MRPL3: variants seen among roughly 807,000 people sequenced by gnomAD.
MRPL3 encodes the protein large ribosomal subunit protein uL3m.
MRPL3 carries 43 observed loss-of-function variants against 44.3 expected under a neutral mutation model. The ratio of observed to expected loss-of-function variants is 0.97; its 90% confidence interval spans 0.76 to 1.25. The LOEUF is 1.25. Ranked by LOEUF, MRPL3 falls within the 50% of genes most tolerant of loss-of-function variation. The pLI, the probability that MRPL3 is intolerant of heterozygous loss-of-function variation, is 0.00. For synonymous variants in MRPL3, 171 were observed against 152.3 expected (o/e 1.12, Z -0.91); for missense variants, 406 against 427.6 (o/e 0.95, Z 0.45).
At chr3:131,483,725 A>G (rs1274489391) in intron 6 of MRPL3, among the ~76,000 whole-genome samples, 1 of 152,186 alleles carries the variant, frequency 6.6e-6, no homozygotes, top group Non-Finnish European at 1.5e-5. Flanking sequence ...CCACTTTTTA[A>G]AAAACTGTCT....
At chr3:131,471,447 TTATCTC>T (rs1933741331) in intron 6 of MRPL3, 168 bp from the exon 7 acceptor site, 2 of 582,664 alleles carry the variant, frequency 3.4e-6, no homozygotes, top group Non-Finnish European at 6.1e-6. Flanking sequence ...AAATATTCCT[TTATCTC>T]TGTCTTGGTC....
intron 6 of MRPL3, among the ~76,000 whole-genome samples, chr3:131,482,181 A>T (rs1322408356): frequency 6.6e-6 from 1 of 152,170 alleles, no homozygotes; most frequent in African/African-American, 2.4e-5. Context: ...TAAATGTGCC[A>T]AGGTGCTCCA....
In MRPL3 at chr3:131,490,392, AGACTGTCT is replaced by A. The variant is rs567838095; in HGVS notation, c.469-320_469-313del. Among the ~76,000 whole-genome samples the A allele has an allele frequency of 5.7e-3, 874 of 152,280 alleles. 8 individuals are homozygous for A. Among genetic ancestry groups the A allele is most frequent in the African/African-American group, 0.019 (798 of 41,558 alleles). ...GTGCTCATATTTAAATTCTGACTGGAGACTGTCTGAATTAAGAACCCAAACCCCGAAAA... is the reference window on the plus strand; with the variant it reads ...GTGCTCATATTTAAATTCTGACTGGAGAATTAAGAACCCAAACCCCGAAAA... On this transcript the variant is annotated intron_variant, in intron 4 of 9. Coordinates refer to ENST00000264995, the MANE Select transcript of MRPL3 (RefSeq NM_007208.4).
intron 6 of MRPL3, 145 bp downstream of exon 6, chr3:131,487,535 A>C: frequency 3.0e-6 from 2 of 671,830 alleles, no homozygotes; most frequent in South Asian, 1.8e-5. Context: ...AAACCAGTGT[A>C]GGTAACATGA....
At chr3:131,481,266 T>C (rs959403092) in intron 6 of MRPL3, among the ~76,000 whole-genome samples, 1 of 152,224 alleles carries the variant, frequency 6.6e-6, no homozygotes, top group Non-Finnish European at 1.5e-5. Flanking sequence ...TTCCTAATAA[T>C]GTCATGTTTT....
rs149305040 is a variant in MRPL3, at chr3:131,468,099, A to G, written c.886T>C (p.Leu296=). ...AAGACACTTATACTTACCTTTACTA[A>G]GCAATTTTTATGTCCAGGTACAGAG... is the stretch of plus-strand genomic sequence containing the variant. ...NGSVPGHKNC[L]VKVKDSKLPA... Residue 296 remains leucine, a synonymous_variant, in exon 9 of 10, where the codon TTA becomes CTA. Coordinates refer to ENST00000264995, the MANE Select transcript of MRPL3 (RefSeq NM_007208.4). 2.0e-3 allele frequency: 3,164 copies of G among 1,561,654 alleles called. 39 individuals carry two copies. The African/African-American group carries it at 0.035, about 17-fold the overall frequency.
chr3:131,478,680 T>A (rs1369839300), intron 6 of MRPL3, among the ~76,000 whole-genome samples: 4 of 151,114 alleles, frequency 2.6e-5, no homozygotes, highest in Admixed American at 1.3e-4. Flanking sequence ...GTATTCAATA[T>A]CAAGTTGCAT....
chr3:131,472,037 G>A (rs1371582163), intron 6 of MRPL3, among the ~76,000 whole-genome samples: 1 of 152,208 alleles, frequency 6.6e-6, no homozygotes, highest in African/African-American at 2.4e-5. Context: ...AGCTTTGGGA[G>A]AGACCCCAAG....
intron 6 of MRPL3, among the ~76,000 whole-genome samples, chr3:131,484,427 C>A (rs1224736314): frequency 6.6e-6 from 1 of 152,128 alleles, no homozygotes; most frequent in Non-Finnish European, 1.5e-5. Flanking sequence ...ACTGCTCCAG[C>A]CTATAAATCC....
chr3:131,465,891 C>CTTTTTTTTTTTTTT (rs55635822), intron 9 of MRPL3, among the ~76,000 whole-genome samples: 1 of 133,348 alleles, frequency 7.5e-6, no homozygotes, highest in Non-Finnish European at 1.5e-5. Flanking sequence ...CTTTTTCTCT[C>CTTTTTTTTTTTTTT]TTTTTTTTTT....
intron 4 of MRPL3, among the ~76,000 whole-genome samples, chr3:131,490,765 G>A (rs186151509): frequency 4.6e-5 from 7 of 152,312 alleles, no homozygotes; most frequent in Admixed American, 4.6e-4. Context: ...AGATGCACAT[G>A]GAGAGCTTCT....
In MRPL3 at chr3:131,464,640, G is replaced by A. The variant is rs16836752; in HGVS notation, c.895-1765C>T. Among the ~76,000 whole-genome samples the A allele has an allele frequency of 9.2e-3, 1,402 of 152,148 alleles. 33 individuals carry two copies. Among genetic ancestry groups the A allele is most frequent in the East Asian group, 0.074 (381 of 5,172 alleles). On this transcript the variant is annotated intron_variant, in intron 9 of 9. Transcript: ENST00000264995. Reference sequence around the variant, plus strand: ...ACACAGGAATGAACACGAATGAACCGTACTTTAGAACATACATTTATACTT... The same window carrying A: ...ACACAGGAATGAACACGAATGAACCATACTTTAGAACATACATTTATACTT...
At chr3:131,482,431 C>T (rs1468396033) in intron 6 of MRPL3, among the ~76,000 whole-genome samples, 3 of 151,382 alleles carry the variant, frequency 2.0e-5, no homozygotes, top group African/African-American at 4.9e-5. Context: ...AGGAGAATGG[C>T]GTGAACCTGG....
chr3:131,484,821 T>A (rs1385258510), intron 6 of MRPL3, among the ~76,000 whole-genome samples: 1 of 152,216 alleles, frequency 6.6e-6, no homozygotes, highest in Non-Finnish European at 1.5e-5. Context: ...AGAGCTATAG[T>A]TATTGGTAAC....
At chr3:131,472,572 G>A (rs1933763897) in intron 6 of MRPL3, among the ~76,000 whole-genome samples, 1 of 152,082 alleles carries the variant, frequency 6.6e-6, no homozygotes, top group Non-Finnish European at 1.5e-5. Flanking sequence ...ATTCAACACA[G>A]TGCTAGAAGT....
At chr3:131,481,159 T>C (rs1181348304) in intron 6 of MRPL3, among the ~76,000 whole-genome samples, 4 of 152,252 alleles carry the variant, frequency 2.6e-5, no homozygotes, top group Admixed American at 6.5e-5. Context: ...AGATAGTATG[T>C]GATCTTAAAA....
intron 6 of MRPL3, among the ~76,000 whole-genome samples, chr3:131,476,572 C>T (rs1357500730): frequency 6.6e-6 from 1 of 151,844 alleles, no homozygotes; most frequent in African/African-American, 2.4e-5. Context: ...GAAAAAAAAT[C>T]AAATAGAGGA....
At chr3:131,490,241 G>T (rs1934225179) in intron 4 of MRPL3, among the ~76,000 whole-genome samples, 161 bp from the exon 5 acceptor site, 1 of 152,064 alleles carries the variant, frequency 6.6e-6, no homozygotes, top group African/African-American at 2.4e-5. Flanking sequence ...TTTAAGGGAG[G>T]TGAGATTTAT....
At chr3:131,482,044 C>CTTTA (rs1933999389) in intron 6 of MRPL3, among the ~76,000 whole-genome samples, 1 of 152,114 alleles carries the variant, frequency 6.6e-6, no homozygotes, top group East Asian at 1.9e-4. Context: ...GGTATACAGC[C>CTTTA]CACAAAGTCT....
Sources: gnomAD v4.1 joint callset for allele counts (sites outside exome capture counted in the v4.1 genomes callset) on GRCh38, gnomAD v4.1.1 for gene constraint, MANE v1.5 for transcripts, NCBI Gene and HGNC (gene_info 2026-07-23, HGNC 2026-07-21) for gene names.